Variants in DSCAML1 observed in about 807,000 individuals in gnomAD.
The protein encoded by DSCAML1 is DS cell adhesion molecule like 1.
DSCAML1 carries 38 observed loss-of-function variants against 200.5 expected under a neutral mutation model. That is an observed-to-expected ratio of 0.19 (90% confidence interval 0.15 to 0.25). DSCAML1 has a LOEUF of 0.25. Ranked by LOEUF, DSCAML1 falls within the 10% of genes least tolerant of loss-of-function variation. The pLI is 1.00. For missense variants in DSCAML1, 2,223 were observed against 2,858.8 expected (o/e 0.78, Z 5.07); for synonymous variants, 1,215 against 1,165.0 (o/e 1.04, Z -0.87).
intron 11 of DSCAML1, among the ~76,000 whole-genome samples, chr11:117,502,916 G>A (rs1352863455): frequency 2.0e-5 from 3 of 152,076 alleles, no homozygotes; most frequent in East Asian, 3.9e-4. Flanking sequence ...AAGGTCCCAC[G>A]ACAGTAAGTC....
chr11:117,794,701 C>A (rs2055538848), intron 1 of DSCAML1, among the ~76,000 whole-genome samples: 2 of 151,864 alleles, frequency 1.3e-5, no homozygotes, highest in Admixed American at 1.3e-4. Flanking sequence ...ATACTCCAAA[C>A]CCCATCTTTC....
intron 3 of DSCAML1, among the ~76,000 whole-genome samples, chr11:117,579,994 A>G (rs2051011983): frequency 6.6e-6 from 1 of 152,232 alleles, no homozygotes; most frequent in Admixed American, 6.5e-5. Flanking sequence ...TTCCGTCATC[A>G]GAGCTTTGCT....
At chr11:117,547,499 A>G (rs2050396648) in intron 3 of DSCAML1, among the ~76,000 whole-genome samples, 1 of 152,040 alleles carries the variant, frequency 6.6e-6, no homozygotes, top group South Asian at 2.1e-4. Context: ...CACCGCCATT[A>G]GCCACTGAGC....
intron 3 of DSCAML1, among the ~76,000 whole-genome samples, chr11:117,755,642 A>T (rs868463159): frequency 1.3e-5 from 2 of 152,196 alleles, no homozygotes; most frequent in Non-Finnish European, 2.9e-5. Flanking sequence ...TGCAAAAAGG[A>T]ACCATTTTAA....
intron 3 of DSCAML1, among the ~76,000 whole-genome samples, chr11:117,554,654 G>T (rs1305241798): frequency 2.0e-5 from 3 of 152,160 alleles, no homozygotes; most frequent in African/African-American, 7.2e-5. Context: ...TGGGATTATA[G>T]GTGTGAGCCA....
At position 117,503,340 on chromosome 11, in the gene DSCAML1, G is replaced by GC. The variant is rs1218362234; in HGVS notation, c.2359+504dup. ...CCCTCGTACAGGTGAGGAAACTGGA[G>GC]CACAGGGAGGGGGAGTGACTCGCCC... is the stretch of plus-strand genomic sequence containing the variant. On this transcript the variant is annotated intron_variant, in intron 11 of 32. Transcript: ENST00000651296. This position sits in a 1 kb window ranked among gnomAD's most constrained non-coding sequence, Gnocchi z 5.2. 6.6e-6 allele frequency among the ~76,000 whole-genome samples: 1 copy of GC among 152,156 alleles called. No individual in the cohort carries two copies. Among genetic ancestry groups the GC allele is most frequent in the African/African-American group, 2.4e-5 (1 of 41,434 alleles).
At chr11:117,541,138 T>C (rs1591241490) in intron 3 of DSCAML1, among the ~76,000 whole-genome samples, 1 of 152,368 alleles carries the variant, frequency 6.6e-6, no homozygotes, top group South Asian at 2.1e-4. Context: ...CCCAAGGCCT[T>C]TGCTGTCACA....
intron 3 of DSCAML1, among the ~76,000 whole-genome samples, chr11:117,748,552 C>G (rs1159016970): frequency 9.2e-5 from 14 of 152,220 alleles, no homozygotes; most frequent in Non-Finnish European, 1.9e-4. Flanking sequence ...AATGCACCAT[C>G]ATGAGGGCCC....
At chr11:117,556,132 C>G (rs554146729) in intron 3 of DSCAML1, among the ~76,000 whole-genome samples, 2 of 152,048 alleles carry the variant, frequency 1.3e-5, no homozygotes, top group Non-Finnish European at 2.9e-5. Flanking sequence ...CTCAGAGGCG[C>G]GTTATGAGAA....
chr11:117,794,058 C>T (rs1234330006), intron 1 of DSCAML1, among the ~76,000 whole-genome samples: 1 of 138,150 alleles, frequency 7.2e-6, no homozygotes, highest in East Asian at 2.4e-4. Flanking sequence ...TTTAATTAGA[C>T]ACTGAACAGA....
chr11:117,428,497 G>A lies in DSCAML1; in HGVS notation c.5993C>T (p.Ala1998Val), dbSNP rs747394600. The A allele has an allele frequency of 4.6e-6, 7 of 1,525,490 alleles. No individual in the cohort carries two copies. In the East Asian group the frequency reaches 7.1e-5, roughly 15 times the overall value. The allele number at this position is 1,525,490 out of a possible 1,614,324, so 94.5% of individuals were successfully genotyped here. A position where few individuals can be genotyped will look rare whatever the true frequency, so the allele number is the denominator to read the frequency against. Residue 1998 changes from alanine to valine, a missense_variant, in exon 33 of 33, where the codon GCC (alanine) becomes GTC (valine). Physicochemically the swap from Ala to Val is moderately conservative, Grantham distance 64. Coordinates refer to ENST00000651296, the MANE Select transcript of DSCAML1 (RefSeq NM_020693.4). ...PGPTPAEPPT[A>V]PSAAPPAPST... ...GGGGGCCGGAGGGGCAGCGCTGGGG[G>A]CGGTGGGTGGCTCAGCAGGGGTGGG...
intron 3 of DSCAML1, among the ~76,000 whole-genome samples, chr11:117,586,263 G>A (rs761679361): frequency 3.9e-4 from 55 of 142,268 alleles, no homozygotes; most frequent in African/African-American, 7.8e-4. Context: ...TCCTCCAGCC[G>A]TGAGCAATAG....
At chr11:117,624,720 TCCCACGGAGAGACCTGGTAAGC>T (rs1420956700) in intron 3 of DSCAML1, among the ~76,000 whole-genome samples, 2 of 152,028 alleles carry the variant, frequency 1.3e-5, no homozygotes, top group Non-Finnish European at 1.5e-5. Context: ...CCTTCCTCAC[TCCCACGGAGAGACCTGGTAAGC>T]CCTGGGGTCA....
intron 3 of DSCAML1, among the ~76,000 whole-genome samples, chr11:117,719,948 G>T (rs1167586364): frequency 6.6e-6 from 1 of 152,194 alleles, no homozygotes; most frequent in Admixed American, 6.5e-5. Flanking sequence ...ACTGTGCTTT[G>T]TGGCCCCCTA....
chr11:117,649,586 G>A (rs1430456343), intron 3 of DSCAML1, among the ~76,000 whole-genome samples: 1 of 152,078 alleles, frequency 6.6e-6, no homozygotes, highest in African/African-American at 2.4e-5. Context: ...GGGCCCCACT[G>A]TGACCCCACC....
At chr11:117,679,601 A>AGGGG (rs1323317551) in intron 3 of DSCAML1, among the ~76,000 whole-genome samples, 1 of 151,950 alleles carries the variant, frequency 6.6e-6, no homozygotes, top group Non-Finnish European at 1.5e-5. Context: ...GGTGGTTTCT[A>AGGGG]GCTCTCCTCC....
intron 3 of DSCAML1, among the ~76,000 whole-genome samples, chr11:117,658,305 T>C (rs1320608588): frequency 6.6e-6 from 1 of 152,218 alleles, no homozygotes; most frequent in Non-Finnish European, 1.5e-5. Context: ...GCCAGCGCTA[T>C]GCCCAAGTTG....
intron 3 of DSCAML1, among the ~76,000 whole-genome samples, chr11:117,556,289 CAGGTACAG>C (rs1174849173): frequency 6.6e-6 from 1 of 152,102 alleles, no homozygotes; most frequent in African/African-American, 2.4e-5. Flanking sequence ...GGAGGTCCAG[CAGGTACAG>C]ACTGTGGGCT....
intron 3 of DSCAML1, among the ~76,000 whole-genome samples, chr11:117,762,600 C>T (rs140849979): frequency 1.8e-3 from 269 of 152,260 alleles, no homozygotes; most frequent in African/African-American, 5.6e-3. Flanking sequence ...CAGTGGCTTA[C>T]GCCTGTAATC....
Sources: allele counts gnomAD v4.1 joint callset (sites outside exome capture counted in the v4.1 genomes callset), GRCh38; gene constraint gnomAD v4.1.1; non-coding constraint Gnocchi (gnomAD v3.1); transcripts MANE v1.5; gene names NCBI Gene and HGNC (gene_info 2026-07-23, HGNC 2026-07-21).